Variants in ANKRD30BL observed in about 807,000 individuals in gnomAD.
ANKRD30BL encodes the protein ankyrin repeat domain 30B like.
ANKRD30BL carries 20 observed loss-of-function variants against 18.4 expected under a neutral mutation model. That is an observed-to-expected ratio of 1.09 (90% CI 0.77 to 1.58). The LOEUF is 1.58. ANKRD30BL is among the 40% of genes most tolerant of loss of function. The pLI, the probability that ANKRD30BL is intolerant of heterozygous loss-of-function variation, is 0.00. For synonymous variants in ANKRD30BL, 72 were observed against 100.9 expected, an observed-to-expected ratio of 0.71 and a Z score of 1.72; for missense variants, 224 against 268.6, an observed-to-expected ratio of 0.83 and a Z score of 1.16.
At chr2:132,226,958 G>A (rs62166088) in intron 1 of ANKRD30BL, among the ~76,000 whole-genome samples, 1 of 145,866 alleles carries the variant, frequency 6.9e-6, no homozygotes, top group Non-Finnish European at 1.5e-5. Context: ...GATAGAGCAG[G>A]TTTGAAACAC....
upstream of ANKRD30BL, among the ~76,000 whole-genome samples, chr2:132,163,153 T>C (rs1399425269): frequency 2.6e-5 from 4 of 152,146 alleles, no homozygotes; most frequent in Non-Finnish European, 5.9e-5. Flanking sequence ...ATTGAACTTA[T>C]CTATAAAGAC....
chr2:132,181,027 C>T (rs1287339731), intron 1 of ANKRD30BL, among the ~76,000 whole-genome samples: 1 of 151,900 alleles, frequency 6.6e-6, no homozygotes, highest in Non-Finnish European at 1.5e-5. Context: ...GGCTGTAGTC[C>T]CAGCTACTTG....
At chr2:132,161,958 C>A, upstream of ANKRD30BL, 1 of 462,308 alleles carries the variant, frequency 2.2e-6, no homozygotes, top group Non-Finnish European at 3.9e-6. Context: ...CGTTAGGCAA[C>A]AGCGCATGCG....
chr2:132,246,187 T>C (rs1446823036), intron 1 of ANKRD30BL, among the ~76,000 whole-genome samples: 1 of 152,038 alleles, frequency 6.6e-6, no homozygotes, highest in Non-Finnish European at 1.5e-5. Flanking sequence ...TTCATTCAAC[T>C]CACTGAGTTG....
At chr2:132,232,682 A>G (rs1680055954) in intron 1 of ANKRD30BL, among the ~76,000 whole-genome samples, 1 of 152,186 alleles carries the variant, frequency 6.6e-6, no homozygotes, top group South Asian at 2.1e-4. Context: ...ATATGGGACT[A>G]TGTGAAAAGA....
At chr2:132,254,054 C>T (rs928274309) in intron 1 of ANKRD30BL, among the ~76,000 whole-genome samples, 3 of 149,866 alleles carry the variant, frequency 2.0e-5, no homozygotes, top group African/African-American at 4.9e-5. Context: ...ACGCCGAGAA[C>T]CACCCCCGCG....
chr2:132,207,500 C>T (rs1044083678), intron 1 of ANKRD30BL, among the ~76,000 whole-genome samples: 8 of 152,118 alleles, frequency 5.3e-5, no homozygotes, highest in African/African-American at 1.9e-4. Context: ...TCGGACCAAA[C>T]CATAAGGTCC....
chr2:132,158,079 A>G (rs1687959662), intron 1 of ANKRD30BL, among the ~76,000 whole-genome samples: 1 of 152,174 alleles, frequency 6.6e-6, no homozygotes, highest in Non-Finnish European at 1.5e-5. Context: ...TACATAAATA[A>G]GGAGGCATCA....
intron 1 of ANKRD30BL, among the ~76,000 whole-genome samples, chr2:132,204,449 C>T: frequency 6.7e-6 from 1 of 150,368 alleles, no homozygotes; most frequent in Non-Finnish European, 1.5e-5. Context: ...TATATACATA[C>T]ATATAGTGTG....
intron 1 of ANKRD30BL, among the ~76,000 whole-genome samples, chr2:132,218,306 C>G (rs1269023390): frequency 6.6e-6 from 1 of 152,262 alleles, no homozygotes; most frequent in African/African-American, 2.4e-5. Context: ...AAACACTAGA[C>G]AGAAGCATTC....
rs375177171 is a variant in ANKRD30BL, at chr2:132,183,863, A to G, written n.442-26717T>C. On this transcript the variant is annotated intron_variant and non_coding_transcript_variant, in intron 1 of 4. Coordinates refer to the ANKRD30BL transcript ENST00000470729. Reference sequence around the variant, plus strand: ...TTATCTCCTCCACATAGTGGTATTGAATTAATGGTGCTTGGTGCTAAGGTG... The same window carrying G: ...TTATCTCCTCCACATAGTGGTATTGGATTAATGGTGCTTGGTGCTAAGGTG... Among the ~76,000 whole-genome samples the G allele has an allele frequency of 1.9e-4, 29 of 152,070 alleles. 1 individual carries two copies. The East Asian group carries it at 5.0e-3, about 26-fold the overall frequency.
Position 132,244,799 on chromosome 2 carries a change from T to C in ANKRD30BL, n.441+12730A>G, listed in dbSNP as rs548127337. ...GACAGAAGCATTCTCAGAAACTTCT[T>C]TGTGATGTTTGCATTCATCTCACAG... On this transcript the variant is annotated intron_variant and non_coding_transcript_variant, in intron 1 of 4. Transcript: ENST00000470729. Among the ~76,000 whole-genome samples, 8 of 152,424 alleles carry C rather than the reference T, an allele frequency of 5.2e-5. No individual in the cohort carries two copies. In the South Asian group the frequency reaches 1.7e-3, roughly 32 times the overall value.
intron 1 of ANKRD30BL, among the ~76,000 whole-genome samples, chr2:132,231,401 T>G (rs1680006960): frequency 6.6e-6 from 1 of 152,130 alleles, no homozygotes; most frequent in Non-Finnish European, 1.5e-5. Flanking sequence ...AGAAGACAGG[T>G]GATTTCTGCC....
At chr2:132,185,660 T>C (rs1688549614) in intron 1 of ANKRD30BL, among the ~76,000 whole-genome samples, 1 of 152,172 alleles carries the variant, frequency 6.6e-6, no homozygotes, top group Admixed American at 6.5e-5. Context: ...GAGGTGATCA[T>C]ACTGTCTCTG....
intron 1 of ANKRD30BL, among the ~76,000 whole-genome samples, chr2:132,222,049 G>T (rs1409017548): frequency 7.6e-6 from 1 of 131,404 alleles, no homozygotes; most frequent in East Asian, 2.4e-4. Context: ...GAGGCGGGGG[G>T]GGGGGTCGGC....
At chr2:132,165,558 CAAAA>C (rs71001174), upstream of ANKRD30BL, among the ~76,000 whole-genome samples, 2 of 135,168 alleles carry the variant, frequency 1.5e-5, no homozygotes, top group Admixed American at 1.5e-4. Context: ...TAGTAAAATA[CAAAA>C]AAAAAAAAAA....
intron 1 of ANKRD30BL, among the ~76,000 whole-genome samples, chr2:132,177,872 AT>A (rs1404283681): frequency 1.3e-5 from 2 of 151,922 alleles, no homozygotes; most frequent in Non-Finnish European, 2.9e-5. Context: ...TTTCATGGGA[AT>A]TTTTTTGTTT....
chr2:132,165,255 AGT>A (rs1688166909), upstream of ANKRD30BL, among the ~76,000 whole-genome samples: 2 of 106,628 alleles, frequency 1.9e-5, no homozygotes, highest in South Asian at 6.2e-4. Context: ...ATGACGTATC[AGT>A]TTTTTTTTTT....
intron 1 of ANKRD30BL, among the ~76,000 whole-genome samples, chr2:132,244,675 G>C (rs369321453): frequency 6.6e-6 from 1 of 152,280 alleles, no homozygotes; most frequent in Non-Finnish European, 1.5e-5. Context: ...TCTTTTGATA[G>C]AGAAGTTTTT....
Sources: gnomAD v4.1 joint callset for allele counts (sites outside exome capture counted in the v4.1 genomes callset) on GRCh38, gnomAD v4.1.1 for gene constraint, MANE v1.5 for transcripts, NCBI Gene and HGNC (gene_info 2026-07-23, HGNC 2026-07-21) for gene names.